The following ZNF606 variants were observed in gnomAD, a reference collection of about 807,000 sequenced individuals.
ZNF606 encodes the protein zinc finger protein 606, also known as zinc finger protein 328.
A neutral mutation model predicts 74.9 loss-of-function variants in ZNF606; 37 were observed. That is an observed-to-expected ratio of 0.49 (90% CI 0.38 to 0.65). The LOEUF (loss-of-function observed/expected upper bound fraction) is 0.65, where lower values mean the gene tolerates loss of function less well. ZNF606 is among the 30% of genes least tolerant of loss of function. ZNF606 has a pLI of 0.00. For synonymous variants in ZNF606, 328 were observed against 312.4 expected, an observed-to-expected ratio of 1.05 and a Z score of -0.53; for missense variants, 852 against 952.9, an observed-to-expected ratio of 0.89 and a Z score of 1.39.
At position 57,988,218 on chromosome 19, in the gene ZNF606, C is replaced by T. The variant is rs776939841; in HGVS notation, c.389G>A (p.Arg130His). Residue 130 changes from arginine to histidine, a missense_variant, in exon 6 of 7, where the codon CGC becomes CAC. Coordinates refer to ENST00000551380, the MANE Select transcript of ZNF606 (RefSeq NM_001348022.3). ...PWSVEQACPQ[R>H]TCPEWVRNLE... ...GGGTCTGCCCTCACCTGGACAAGTG[C>T]GTTGAGGACATGCCTGCTCCACTGA... The T allele has an allele frequency of 2.0e-5, 33 of 1,613,670 alleles. 1 individual carries two copies. In the South Asian group the frequency reaches 3.1e-4, roughly 15 times the overall value.
rs1568573568 is a variant in ZNF606, at chr19:57,980,018, T to C, written c.662A>G (p.Gln221Arg). ...CTGAGATGGAACAAAGTTTAAGTTC[T>C]GGCTAAACTCTGCCCCAAGTCCACA... ...EFCGLGAEFS[Q>R]NLNFVPSQRV... Residue 221 changes from glutamine (Q) to arginine (R), a missense_variant, in exon 7 of 7, where the codon CAG becomes CGG. Gln to Arg is a conservative substitution (Grantham distance 43). Transcript: ENST00000551380. 1 of 1,613,676 alleles carries C rather than the reference T, an allele frequency of 6.2e-7. No individual in the cohort carries two copies. Among genetic ancestry groups the C allele is most frequent in the Non-Finnish European group, 8.5e-7 (1 of 1,180,028 alleles).
At chr19:57,997,466 T>C (rs929098504) in intron 4 of ZNF606, 3 of 152,262 alleles carry the variant, frequency 2.0e-5, no homozygotes, top group East Asian at 3.9e-4. Context: ...GGACACAGGG[T>C]TCTTTTGCAT....
intron 4 of ZNF606, among the ~76,000 whole-genome samples, chr19:57,992,348 A>C (rs950467757): frequency 3.3e-5 from 5 of 152,190 alleles, no homozygotes; most frequent in African/African-American, 1.2e-4. Flanking sequence ...AGTATGAAGA[A>C]CCCAGCACCA....
intron 4 of ZNF606, 59 bp downstream of exon 4, chr19:57,999,749 T>A: frequency 6.5e-7 from 1 of 1,541,230 alleles, no homozygotes; most frequent in South Asian, 1.1e-5. Context: ...CCGCATCAAC[T>A]GGGATGACCA....
At chr19:57,980,330 T>A in intron 6 of ZNF606, 51 bp from the exon 7 acceptor site, 1 of 1,524,008 alleles carries the variant, frequency 6.6e-7, no homozygotes, top group South Asian at 1.3e-5. Context: ...GACATTAGAA[T>A]AAAGTGGGAA....
In ZNF606 at chr19:57,978,674, G is replaced by A; in HGVS notation, c.2006C>T (p.Ala669Val). The A allele has an allele frequency of 1.2e-6, 2 of 1,614,050 alleles. 1 individual carries two copies. The highest frequency in any genetic ancestry group is 2.2e-5 in the South Asian group (2 of 91,072). The change falls in exon 7 of 7, where the codon GCT becomes GTT. Residue 669 changes from alanine to valine, a missense_variant. Physicochemically the swap from Ala to Val is moderately conservative, Grantham distance 64. Around this residue, in one of 3 missense-constraint regions of ZNF606, gnomAD observed 243 missense variants for 359.2 expected, o/e 0.68. Transcript: ENST00000551380. The surrounding 1 kb of genome is among the most constrained non-coding windows in gnomAD (Gnocchi z 4.4). Reference sequence around the variant, plus strand: ...CTCACCAGTGTGAATTCTCCGATGAGCAACAAGGTGACAGCTCTGACTGAA... The same window carrying A: ...CTCACCAGTGTGAATTCTCCGATGAACAACAAGGTGACAGCTCTGACTGAA... Reference protein sequence around the residue: ...KSFSQSCHLVAHRRIHTGEKP... With the variant: ...KSFSQSCHLVVHRRIHTGEKP...
chr19:57,993,037 G>A (rs958894951), intron 4 of ZNF606, among the ~76,000 whole-genome samples: 1 of 152,198 alleles, frequency 6.6e-6, no homozygotes, highest in South Asian at 2.1e-4. Flanking sequence ...CAGTGAGAGA[G>A]GGAGGCAGGA....
chr19:58,001,596 T>C (rs1204041662), intron 1 of ZNF606, among the ~76,000 whole-genome samples: 2 of 152,172 alleles, frequency 1.3e-5, no homozygotes, highest in Non-Finnish European at 2.9e-5. Context: ...GGGTACAAAT[T>C]TGTCAGCTAT....
In ZNF606 at chr19:57,979,902, T is replaced by C. The variant is rs2073055813; in HGVS notation, c.778A>G (p.Thr260Ala). The change falls in exon 7 of 7, where the codon ACC (threonine) becomes GCC (alanine). Residue 260 changes from threonine to alanine, a missense_variant. Around this residue, in one of 3 missense-constraint regions of ZNF606, gnomAD observed 545 missense variants for 542.5 expected, o/e 1.00. Coordinates refer to ENST00000551380, the MANE Select transcript of ZNF606 (RefSeq NM_001348022.3). Reference sequence around the variant, plus strand: ...TTGTCATAATCATTATTTTCACAGGTAACCTTATCTGCATACATTATGGCT... The same window carrying C: ...TTGTCATAATCATTATTTTCACAGGCAACCTTATCTGCATACATTATGGCT... ...DSAIMYADKV[T>A]CENNDYDKTV... The C allele has an allele frequency of 6.2e-7, 1 of 1,613,980 alleles. No homozygotes were observed. Among genetic ancestry groups the C allele is most frequent in the Non-Finnish European group, 8.5e-7 (1 of 1,180,024 alleles).
intron 4 of ZNF606, among the ~76,000 whole-genome samples, chr19:57,990,258 G>C (rs921749018): frequency 9.3e-5 from 14 of 151,342 alleles, no homozygotes; most frequent in Middle Eastern, 3.2e-3. Context: ...CCAGCTACTC[G>C]GGAGGCTGAG....
At chr19:57,990,685 G>A (rs1163601141) in intron 4 of ZNF606, among the ~76,000 whole-genome samples, 2 of 151,940 alleles carry the variant, frequency 1.3e-5, no homozygotes, top group East Asian at 1.9e-4. Context: ...CAAATACAGC[G>A]TTTCCTGTGG....
chr19:57,998,357 T>C (rs1242248114), intron 4 of ZNF606: 2 of 152,148 alleles, frequency 1.3e-5, no homozygotes, highest in East Asian at 3.8e-4. Context: ...ACTTATTACA[T>C]TTACATTGTA....
intron 6 of ZNF606, among the ~76,000 whole-genome samples, chr19:57,982,366 T>C (rs942359438): frequency 1.3e-5 from 2 of 152,164 alleles, no homozygotes; most frequent in Non-Finnish European, 2.9e-5. Context: ...TGAGTACATT[T>C]AGAATCCACT....
At chr19:57,984,820 C>T (rs145448970) in intron 6 of ZNF606, among the ~76,000 whole-genome samples, 129 of 152,300 alleles carry the variant, frequency 8.5e-4, no homozygotes, top group African/African-American at 3.0e-3. Context: ...CTAGGCCAGG[C>T]GCAGTGGCTC....
At chr19:57,988,526 C>A in intron 5 of ZNF606, 69 bp downstream of exon 5, 1 of 1,562,336 alleles carries the variant, frequency 6.4e-7, no homozygotes, top group South Asian at 1.2e-5. Flanking sequence ...CAATGAGCTT[C>A]TAAACATGGA....
chr19:57,994,974 G>C (rs2073313002), intron 4 of ZNF606, among the ~76,000 whole-genome samples: 1 of 151,964 alleles, frequency 6.6e-6, no homozygotes, highest in East Asian at 1.9e-4. Flanking sequence ...ACGAGGTCAA[G>C]AGATGGAGAC....
intron 3 of ZNF606, chr19:58,000,285 G>C: frequency 4.4e-6 from 2 of 456,038 alleles, no homozygotes; most frequent in Non-Finnish European, 7.8e-6. Context: ...GCAGTGGCAC[G>C]ATCTTGGCTC....
chr19:57,990,075 A>C (rs1313717452), intron 4 of ZNF606, among the ~76,000 whole-genome samples: 1 of 148,054 alleles, frequency 6.8e-6, no homozygotes, highest in Non-Finnish European at 1.5e-5. Context: ...AAAAAAAAAA[A>C]AAAAGAGCCG....
chr19:58,001,554 A>C (rs2073429005), intron 1 of ZNF606, among the ~76,000 whole-genome samples, 184 bp from the exon 2 acceptor site: 1 of 152,236 alleles, frequency 6.6e-6, no homozygotes, highest in East Asian at 1.9e-4. Context: ...AATTTGCATA[A>C]GCTGGAAAAA....
Sources: allele counts gnomAD v4.1 joint callset (sites outside exome capture counted in the v4.1 genomes callset), GRCh38; gene constraint gnomAD v4.1.1; regional missense constraint gnomAD v4.1.1; non-coding constraint Gnocchi (gnomAD v3.1); transcripts MANE v1.5; gene names NCBI Gene and HGNC (gene_info 2026-07-23, HGNC 2026-07-21).